TMTC2: variants seen among roughly 807,000 people sequenced by gnomAD.
TMTC2 encodes the protein protein O-mannosyl-transferase TMTC2.
A neutral mutation model predicts 82.4 loss-of-function variants in TMTC2; 43 were observed. The ratio of observed to expected loss-of-function variants is 0.52; its 90% CI spans 0.41 to 0.67. The LOEUF is 0.67. Ranked by LOEUF, TMTC2 falls within the 30% of genes least tolerant of loss-of-function variation. The pLI is 0.00. For missense variants in TMTC2, 919 were observed against 1,012.4 expected (o/e 0.91, Z 1.25); for synonymous variants, 408 against 381.9 (o/e 1.07, Z -0.80).
chr12:82,887,571 C>T (rs1019498818), intron 2 of TMTC2, among the ~76,000 whole-genome samples: 2 of 152,088 alleles, frequency 1.3e-5, no homozygotes, highest in Admixed American at 6.6e-5. Flanking sequence ...ACTTTCATTC[C>T]ATTAGTGTGT....
At chr12:82,729,059 T>G (rs926233811) in intron 1 of TMTC2, among the ~76,000 whole-genome samples, 1 of 152,224 alleles carries the variant, frequency 6.6e-6, no homozygotes, top group African/African-American at 2.4e-5. Flanking sequence ...CGCTGCCCCC[T>G]GCTCCAGGTG....
intron 1 of TMTC2, among the ~76,000 whole-genome samples, chr12:82,770,416 C>T (rs1877226420): frequency 6.6e-6 from 1 of 151,896 alleles, no homozygotes; most frequent in African/African-American, 2.4e-5. Context: ...TTTTATAGTT[C>T]AGTAGGATTT....
intron 11 of TMTC2, among the ~76,000 whole-genome samples, chr12:83,079,256 C>G (rs1463285284): frequency 6.6e-6 from 1 of 151,878 alleles, no homozygotes; most frequent in African/African-American, 2.4e-5. Context: ...CCTATGGAAC[C>G]TACACTCATA....
chr12:82,933,860 T>C (rs557698680), intron 4 of TMTC2, among the ~76,000 whole-genome samples: 2 of 152,284 alleles, frequency 1.3e-5, no homozygotes, highest in South Asian at 2.1e-4. Context: ...GTGATGTAGA[T>C]TTATATCTGA....
At position 82,846,674 on chromosome 12, in the gene TMTC2, A is replaced by G. The variant is rs181715955; in HGVS notation, c.84-10336A>G. Among the ~76,000 whole-genome samples, 914 of 152,250 alleles carry G rather than the reference A, an allele frequency of 6.0e-3. 3 individuals are homozygous for G. Among genetic ancestry groups the G allele is most frequent in the Non-Finnish European group, 9.5e-3 (645 of 68,026 alleles). On this transcript the variant is annotated intron_variant, in intron 1 of 11. Coordinates refer to ENST00000321196, the MANE Select transcript of TMTC2 (RefSeq NM_152588.3). ...TATTCCTGTAGTTGGAAGACTTAGC[A>G]TTCGTAGAATTTTCTCAAAACCAGC... is the stretch of plus-strand genomic sequence containing the variant.
intron 11 of TMTC2, among the ~76,000 whole-genome samples, chr12:83,100,017 T>G (rs939646844): frequency 2.6e-5 from 4 of 152,064 alleles, no homozygotes; most frequent in African/African-American, 9.7e-5. Flanking sequence ...CCTCCCAGGT[T>G]CAAGTGATTC....
intron 1 of TMTC2, among the ~76,000 whole-genome samples, chr12:82,800,007 A>G (rs567491126): frequency 2.6e-5 from 4 of 152,234 alleles, no homozygotes; most frequent in South Asian, 2.1e-4. Context: ...GTAAAGAGAT[A>G]TAAACTAGTT....
intron 11 of TMTC2, among the ~76,000 whole-genome samples, chr12:83,095,025 A>G (rs972167245): frequency 6.6e-6 from 1 of 152,212 alleles, no homozygotes; most frequent in African/African-American, 2.4e-5. Context: ...GATACTAGGA[A>G]ATTCTGTGAT....
intron 8 of TMTC2, among the ~76,000 whole-genome samples, chr12:83,027,513 T>C (rs1881231465): frequency 6.8e-6 from 1 of 146,492 alleles, no homozygotes; most frequent in Non-Finnish European, 1.5e-5. Context: ...ATAATGCTGA[T>C]GAGGAAAAAA....
chr12:82,939,013 A>G (rs923375890), intron 4 of TMTC2, among the ~76,000 whole-genome samples: 3 of 152,282 alleles, frequency 2.0e-5, no homozygotes, highest in South Asian at 2.1e-4. Flanking sequence ...CAGAATTCGT[A>G]TAATCGTCTT....
intron 9 of TMTC2, among the ~76,000 whole-genome samples, chr12:83,035,313 T>A (rs1327583256): frequency 1.3e-5 from 2 of 152,164 alleles, no homozygotes; most frequent in African/African-American, 2.4e-5. Flanking sequence ...CTTTTTAAAA[T>A]TTTTTTCAGA....
intron 4 of TMTC2, among the ~76,000 whole-genome samples, chr12:82,944,318 C>G (rs959975674): frequency 6.6e-6 from 1 of 152,270 alleles, no homozygotes; most frequent in Non-Finnish European, 1.5e-5. Flanking sequence ...GGCATGGTGG[C>G]TCACACCTGT....
intron 1 of TMTC2, among the ~76,000 whole-genome samples, chr12:82,832,962 C>G (rs1420868772): frequency 1.3e-5 from 2 of 152,166 alleles, no homozygotes; most frequent in Non-Finnish European, 2.9e-5. Flanking sequence ...ATGGAAGGCA[C>G]CATGCAAGAG....
chr12:82,787,583 T>G (rs1465396472), intron 1 of TMTC2, among the ~76,000 whole-genome samples: 1 of 152,146 alleles, frequency 6.6e-6, no homozygotes, highest in Non-Finnish European at 1.5e-5. Flanking sequence ...ATTTCTGTAA[T>G]ACTCTTAGCG....
chr12:83,008,654 C>G (rs931646880), intron 8 of TMTC2, among the ~76,000 whole-genome samples: 1 of 152,084 alleles, frequency 6.6e-6, no homozygotes, highest in African/African-American at 2.4e-5. Flanking sequence ...TGCTTTGTGT[C>G]TTTGGACTTT....
At chr12:82,893,109 C>T (rs78461263) in intron 2 of TMTC2, among the ~76,000 whole-genome samples, 1,781 of 152,062 alleles carry the variant, frequency 0.012, 41 homozygotes, top group African/African-American at 0.04. Flanking sequence ...CGGTGGCTCA[C>T]GCCTGTAATC....
At chr12:82,876,159 G>GGT (rs1872562464) in intron 2 of TMTC2, among the ~76,000 whole-genome samples, 1 of 136,628 alleles carries the variant, frequency 7.3e-6, no homozygotes, top group Non-Finnish European at 1.5e-5. Flanking sequence ...TGGTGGTAGT[G>GGT]GTGGTAGTGT....
chr12:82,855,924 C>T (rs1170676281), intron 1 of TMTC2, among the ~76,000 whole-genome samples: 3 of 152,096 alleles, frequency 2.0e-5, no homozygotes, highest in Non-Finnish European at 2.9e-5. Flanking sequence ...TTTACATGTC[C>T]CCAGTAGTAG....
At chr12:83,022,043 A>G (rs1396547991) in intron 8 of TMTC2, 1 of 152,118 alleles carries the variant, frequency 6.6e-6, no homozygotes. Flanking sequence ...CTAAGAAAAC[A>G]ATATGAGTAA....
Sources: gnomAD v4.1 joint callset for allele counts (sites outside exome capture counted in the v4.1 genomes callset) on GRCh38, gnomAD v4.1.1 for gene constraint, MANE v1.5 for transcripts, NCBI Gene and HGNC (gene_info 2026-07-23, HGNC 2026-07-21) for gene names.